Variants in PUDP observed in about 807,000 individuals in gnomAD.
The protein encoded by PUDP is pseudouridine-5'-phosphatase.
A neutral mutation model predicts 9.4 loss-of-function variants in PUDP; 8 were observed. That is an observed-to-expected ratio of 0.85 (90% CI 0.50 to 1.53). PUDP has a LOEUF of 1.53. Ranked by LOEUF, PUDP falls within the 40% of genes most tolerant of loss-of-function variation. PUDP has a pLI of 0.00. For missense variants in PUDP, 188 were observed against 189.7 expected (o/e 0.99, Z 0.05); for synonymous variants, 99 against 80.7 (o/e 1.23, Z -1.22).
intron 1 of PUDP, among the ~76,000 whole-genome samples, chrX:7,025,231 C>T (rs1929693409): frequency 9.0e-6 from 1 of 111,726 alleles, no homozygotes; most frequent in Admixed American, 9.5e-5. Context: ...CCTCTTCTTT[C>T]GGGCATATTC....
intron 1 of PUDP, among the ~76,000 whole-genome samples, chrX:7,125,596 C>G (rs1253099852): frequency 1.8e-5 from 2 of 111,658 alleles, no homozygotes; most frequent in Non-Finnish European, 3.8e-5. Context: ...GCTACCCTTC[C>G]ATTTCTATCT....
intron 1 of PUDP, among the ~76,000 whole-genome samples, chrX:6,719,629 A>G (rs16984288): frequency 0.074 from 8,221 of 111,802 alleles, 770 homozygotes; most frequent in African/African-American, 0.25. Context: ...AGAGGAGGTT[A>G]CAAAAGAACC....
intron 1 of PUDP, among the ~76,000 whole-genome samples, chrX:6,985,773 G>T (rs1394768891): frequency 9.0e-6 from 1 of 111,536 alleles, no homozygotes; most frequent in Non-Finnish European, 1.9e-5. Context: ...TCCTGGAGGG[G>T]TGACTCAGTG....
At chrX:7,074,451 A>C (rs1930833840) in intron 3 of PUDP, among the ~76,000 whole-genome samples, 1 of 112,895 alleles carries the variant, frequency 8.9e-6, no homozygotes, top group Non-Finnish European at 1.9e-5. Flanking sequence ...TTGCAAAACA[A>C]GGACTGCCTG....
At chrX:6,755,640 C>T (rs745405746) in intron 3 of PUDP, among the ~76,000 whole-genome samples, 5 of 110,916 alleles carry the variant, frequency 4.5e-5, no homozygotes, top group Non-Finnish European at 9.4e-5. Context: ...GGATGTTGGT[C>T]GCATTCATGG....
intron 3 of PUDP, among the ~76,000 whole-genome samples, chrX:6,908,044 C>A (rs56818513): frequency 0.018 from 2,015 of 112,112 alleles, 38 homozygotes; most frequent in African/African-American, 0.062. Context: ...CAGACTCTAG[C>A]GACCTGCGAG....
chrX:6,991,753 T>C (rs984840893), intron 1 of PUDP, among the ~76,000 whole-genome samples: 5 of 109,644 alleles, frequency 4.6e-5, no homozygotes, highest in Non-Finnish European at 9.5e-5. Flanking sequence ...ATTTTCCCCA[T>C]TTGTTTGATA....
intron 3 of PUDP, among the ~76,000 whole-genome samples, chrX:6,940,527 G>T (rs73629011): frequency 0.032 from 3,532 of 111,685 alleles, 140 homozygotes; most frequent in African/African-American, 0.11. Context: ...CCAAAATTCA[G>T]AGTGATTTTC....
chrX:7,027,546 AAT>A (rs1188078181), intron 1 of PUDP, among the ~76,000 whole-genome samples: 4 of 103,557 alleles, frequency 3.9e-5, no homozygotes, highest in South Asian at 8.5e-4. Flanking sequence ...TATATGTGTG[AAT>A]ATATATATGA....
chrX:6,780,114 TTGTGTATATATGTATATATACATATTGTA>T (rs973345358), intron 3 of PUDP, among the ~76,000 whole-genome samples: 1 of 94,399 alleles, frequency 1.1e-5, no homozygotes, highest in African/African-American at 3.6e-5. Flanking sequence ...AATCCTTTGT[TTGTGTATATATGTATATATACATATTGTA>T]TATATACACA....
chrX:6,791,820 T>C (rs771344463), intron 3 of PUDP, among the ~76,000 whole-genome samples: 1 of 112,296 alleles, frequency 8.9e-6, no homozygotes, highest in African/African-American at 3.2e-5. Context: ...ACAGCAGCAA[T>C]GAGAAACTAA....
chrX:6,911,846 C>A, intron 3 of PUDP, among the ~76,000 whole-genome samples: 1 of 111,885 alleles, frequency 8.9e-6, no homozygotes, highest in Non-Finnish European at 1.9e-5. Flanking sequence ...CACCAATGTG[C>A]AATTTTTATA....
At chrX:6,888,493 C>CA (rs1224333613) in intron 3 of PUDP, among the ~76,000 whole-genome samples, 1 of 107,921 alleles carries the variant, frequency 9.3e-6, no homozygotes, top group African/African-American at 3.4e-5. Flanking sequence ...AAAAAAAATA[C>CA]AAAAAAATTA....
intron 3 of PUDP, among the ~76,000 whole-genome samples, chrX:6,792,053 T>G (rs760581757): frequency 1.8e-5 from 2 of 111,511 alleles, no homozygotes; most frequent in African/African-American, 6.5e-5. Flanking sequence ...TCCTACTGCA[T>G]TGGATGAATG....
chrX:7,138,804 C>T (rs1932771863), intron 1 of PUDP, among the ~76,000 whole-genome samples: 1 of 112,274 alleles, frequency 8.9e-6, no homozygotes, highest in African/African-American at 3.2e-5. Context: ...ACAAAGTCTT[C>T]CTTCTTGTGT....
At chrX:6,917,279 A>T in intron 3 of PUDP, among the ~76,000 whole-genome samples, 1 of 110,383 alleles carries the variant, frequency 9.1e-6, no homozygotes, top group Non-Finnish European at 1.9e-5. Context: ...AGGCAGGAGG[A>T]TTGCTTGAAC....
chrX:7,110,405 G>C (rs751720881), intron 1 of PUDP, among the ~76,000 whole-genome samples: 109 of 112,470 alleles, frequency 9.7e-4, no homozygotes, highest in African/African-American at 3.2e-3. Flanking sequence ...CTCCCCAACT[G>C]CTCTCTCAGG....
chrX:6,831,241 A>G (rs1926499893), intron 3 of PUDP, among the ~76,000 whole-genome samples: 1 of 112,224 alleles, frequency 8.9e-6, no homozygotes, highest in Non-Finnish European at 1.9e-5. Flanking sequence ...TAGTGATGTT[A>G]TTCCCAGAAG....
intron 3 of PUDP, among the ~76,000 whole-genome samples, chrX:6,817,559 G>A (rs1200227444): frequency 1.8e-5 from 2 of 111,799 alleles, no homozygotes; most frequent in Non-Finnish European, 3.8e-5. Context: ...TCTCTTATAG[G>A]CTACAAATAT....
Sources: gnomAD v4.1 joint callset for allele counts (sites outside exome capture counted in the v4.1 genomes callset) on GRCh38, gnomAD v4.1.1 for gene constraint, MANE v1.5 for transcripts, NCBI Gene and HGNC (gene_info 2026-07-23, HGNC 2026-07-21) for gene names.